Variants in PTPRN2 observed in about 807,000 individuals in gnomAD.
PTPRN2 encodes protein tyrosine phosphatase receptor type N2.
In PTPRN2, 74 loss-of-function variants were observed where a neutral mutation model predicts 118.8. The observed-to-expected ratio is 0.62, with a 90% CI of 0.52 to 0.76. PTPRN2 has a LOEUF of 0.76. Ranked by LOEUF, PTPRN2 falls within the 30% of genes least tolerant of loss-of-function variation. The pLI, the probability that PTPRN2 is intolerant of heterozygous loss-of-function variation, is 0.00. For missense variants in PTPRN2, 1,481 were observed against 1,394.4 expected, an observed-to-expected ratio of 1.06 and a Z score of -0.99; for synonymous variants, 641 against 608.0, an observed-to-expected ratio of 1.05 and a Z score of -0.80.
chr7:158,330,021 A>G (rs1804047643), intron 2 of PTPRN2, among the ~76,000 whole-genome samples: 1 of 151,340 alleles, frequency 6.6e-6, no homozygotes, highest in African/African-American at 2.4e-5. Flanking sequence ...CCACACTCTC[A>G]CCATAAGAGG....
Position 158,200,597 on chromosome 7 carries a change from A to T in PTPRN2, c.380+4574T>A, listed in dbSNP as rs545067601. ...TATTTATAAAAGTCTGTATCCTGCA[A>T]ATAGTTATACAAATATATTTTTGAA... On this transcript the variant is annotated intron_variant, in intron 4 of 22. Coordinates refer to ENST00000389418, the MANE Select transcript of PTPRN2 (RefSeq NM_002847.5). 4.4e-4 allele frequency among the ~76,000 whole-genome samples: 67 copies of T among 152,348 alleles called. 1 individual carries two copies. In the South Asian group the frequency reaches 0.013, roughly 29 times the overall value.
chr7:158,564,842 G>A (rs1827580634), intron 1 of PTPRN2, among the ~76,000 whole-genome samples: 1 of 152,252 alleles, frequency 6.6e-6, no homozygotes, highest in African/African-American at 2.4e-5. Context: ...TATCAGCCAG[G>A]AAAATGAAGG....
At chr7:158,377,343 T>C (rs77829285) in intron 2 of PTPRN2, among the ~76,000 whole-genome samples, 1,769 of 150,840 alleles carry the variant, frequency 0.012, 65 homozygotes, top group African/African-American at 0.042. Flanking sequence ...ATTAGGTGCG[T>C]GTGTGTTAAT....
At chr7:158,378,307 G>A (rs1416827374) in intron 2 of PTPRN2, among the ~76,000 whole-genome samples, 1 of 152,098 alleles carries the variant, frequency 6.6e-6, no homozygotes, top group Non-Finnish European at 1.5e-5. Context: ...TTCCTAAAGG[G>A]GCCTGCAAGC....
chr7:158,171,860 C>T (rs550234819), intron 5 of PTPRN2, among the ~76,000 whole-genome samples: 2 of 152,146 alleles, frequency 1.3e-5, no homozygotes, highest in Admixed American at 6.5e-5. Context: ...TTTTTAAGAC[C>T]GTAGCTGCCC....
At chr7:158,236,698 G>C (rs1795570600) in intron 3 of PTPRN2, among the ~76,000 whole-genome samples, 1 of 152,174 alleles carries the variant, frequency 6.6e-6, no homozygotes, top group African/African-American at 2.4e-5. Flanking sequence ...GGTGCAACCT[G>C]TCCCCGCCTG....
chr7:158,078,569 T>C (rs1319235370), intron 11 of PTPRN2, among the ~76,000 whole-genome samples: 5 of 152,254 alleles, frequency 3.3e-5, no homozygotes, highest in Non-Finnish European at 7.3e-5. Context: ...CCTGTCTACG[T>C]CTCACCTGAA....
chr7:157,751,340 T>A (rs1172264062), intron 12 of PTPRN2, among the ~76,000 whole-genome samples: 2 of 151,938 alleles, frequency 1.3e-5, no homozygotes, highest in African/African-American at 4.8e-5. Flanking sequence ...AAGAAAAAAA[T>A]CCATGCGGCG....
At chr7:158,087,488 C>A (rs534882065) in intron 10 of PTPRN2, among the ~76,000 whole-genome samples, 7 of 152,360 alleles carry the variant, frequency 4.6e-5, no homozygotes, top group Non-Finnish European at 7.3e-5. Context: ...CACCTTTTGA[C>A]AGTCAAATTC....
chr7:158,547,697 G>A (rs1448409030), intron 1 of PTPRN2, among the ~76,000 whole-genome samples: 1 of 152,226 alleles, frequency 6.6e-6, no homozygotes, highest in Non-Finnish European at 1.5e-5. Flanking sequence ...GGGTCCAGCA[G>A]AGGCTGATTC....
intron 1 of PTPRN2, among the ~76,000 whole-genome samples, chr7:158,569,127 A>G (rs1827825305): frequency 6.6e-6 from 1 of 152,250 alleles, no homozygotes; most frequent in Non-Finnish European, 1.5e-5. Flanking sequence ...AATGTGTTTC[A>G]AAACACATAT....
At chr7:158,336,879 G>A (rs1338107055) in intron 2 of PTPRN2, among the ~76,000 whole-genome samples, 13 of 101,320 alleles carry the variant, frequency 1.3e-4, no homozygotes, top group African/African-American at 2.7e-4. Flanking sequence ...GCCCGCACAG[G>A]TCACTCACAC....
intron 11 of PTPRN2, among the ~76,000 whole-genome samples, chr7:157,922,285 G>C (rs943183955): frequency 2.0e-5 from 3 of 152,052 alleles, no homozygotes; most frequent in African/African-American, 7.2e-5. Context: ...TGGGTGACGG[G>C]GCCAAGGAGT....
chr7:157,654,940 G>A (rs934629310), intron 14 of PTPRN2, among the ~76,000 whole-genome samples: 1 of 152,158 alleles, frequency 6.6e-6, no homozygotes, highest in Non-Finnish European at 1.5e-5. Context: ...TGAACTCCTG[G>A]TCTCTGCTCC....
At position 158,463,715 on chromosome 7, in the gene PTPRN2, G is replaced by A. The variant is rs180846232; in HGVS notation, c.163+26020C>T. 8.9e-3 allele frequency among the ~76,000 whole-genome samples: 1,344 copies of A among 151,192 alleles called. 26 individuals are homozygous for A. Among genetic ancestry groups the A allele is most frequent in the African/African-American group, 0.03 (1,249 of 41,126 alleles). ...CATCACCATCATCATCCTTACCATC[G>A]CCATCATTGCCATGCCATTTAGTAA... On this transcript the variant is annotated intron_variant, in intron 2 of 22. Coordinates refer to ENST00000389418, the MANE Select transcript of PTPRN2 (RefSeq NM_002847.5).
chr7:158,393,085 C>T (rs1292623453), intron 2 of PTPRN2, among the ~76,000 whole-genome samples: 1 of 152,082 alleles, frequency 6.6e-6, no homozygotes, highest in African/African-American at 2.4e-5. Flanking sequence ...CCAGGGGCCT[C>T]TGCACCCCAG....
chr7:157,555,533 T>C (rs1381878223), intron 21 of PTPRN2, among the ~76,000 whole-genome samples: 1 of 152,124 alleles, frequency 6.6e-6, no homozygotes, highest in Non-Finnish European at 1.5e-5. Context: ...CACGGACGGA[T>C]GGGGTGTGCC....
chr7:158,043,258 C>A (rs1193531547), intron 11 of PTPRN2, among the ~76,000 whole-genome samples: 2 of 152,206 alleles, frequency 1.3e-5, no homozygotes, highest in African/African-American at 4.8e-5. Flanking sequence ...TTCCTCTAAT[C>A]TAAGGGAGCA....
intron 11 of PTPRN2, among the ~76,000 whole-genome samples, chr7:158,034,643 G>GA (rs1177375659): frequency 3.3e-5 from 5 of 152,156 alleles, no homozygotes; most frequent in South Asian, 2.1e-4. Context: ...TCAGCAGTGT[G>GA]AAAAAAAACT....
Sources: allele counts gnomAD v4.1 joint callset (sites outside exome capture counted in the v4.1 genomes callset), GRCh38; gene constraint gnomAD v4.1.1; transcripts MANE v1.5; gene names NCBI Gene and HGNC (gene_info 2026-07-23, HGNC 2026-07-21).